TBC1D5: variants seen among roughly 807,000 people sequenced by gnomAD.
The protein encoded by TBC1D5 is TBC1 domain family member 5, also known as TBC1 domain family, member 5.
TBC1D5 carries 75 observed loss-of-function variants against 100.3 expected under a neutral mutation model. The ratio of observed to expected loss-of-function variants is 0.75; its 90% confidence interval spans 0.62 to 0.91. The LOEUF (loss-of-function observed/expected upper bound fraction) is 0.91, where lower values mean the gene tolerates loss of function less well. Ranked by LOEUF, TBC1D5 falls within the 40% of genes least tolerant of loss-of-function variation. TBC1D5 has a pLI of 0.00. For missense variants in TBC1D5, 910 were observed against 942.4 expected (o/e 0.97, Z 0.45); for synonymous variants, 323 against 325.6 (o/e 0.99, Z 0.09).
chr3:17,167,811 T>A (rs752058519), exon 20 of TBC1D5: 1 of 1,607,740 alleles, frequency 6.2e-7, no homozygotes. Context: ...TCTTGTAATA[T>A]CACATCTTGA....
chr3:17,538,319 A>G (rs979151410), intron 2 of TBC1D5, among the ~76,000 whole-genome samples: 2 of 152,158 alleles, frequency 1.3e-5, no homozygotes, highest in Admixed American at 6.5e-5. Flanking sequence ...GATCTCAAAC[A>G]GGCCCACTAA....
intron 2 of TBC1D5, among the ~76,000 whole-genome samples, chr3:17,510,365 G>A (rs763446523): frequency 2.0e-5 from 3 of 152,046 alleles, no homozygotes; most frequent in East Asian, 1.9e-4. Flanking sequence ...ACAGTCAGAC[G>A]TTAATAAAAC....
At chr3:17,298,997 T>C (rs918118777) in intron 14 of TBC1D5, among the ~76,000 whole-genome samples, 10 of 152,222 alleles carry the variant, frequency 6.6e-5, no homozygotes, top group Non-Finnish European at 1.5e-4. Context: ...TGATAAAAGT[T>C]TAATTTATAA....
At chr3:17,565,527 A>C (rs762094301) in intron 2 of TBC1D5, among the ~76,000 whole-genome samples, 15 of 152,228 alleles carry the variant, frequency 9.9e-5, no homozygotes, top group Middle Eastern at 3.4e-3. Context: ...CCAGGAGCTG[A>C]AAAGAATCAA....
intron 2 of TBC1D5, among the ~76,000 whole-genome samples, chr3:17,579,277 A>T (rs1218986175): frequency 6.6e-6 from 1 of 152,118 alleles, no homozygotes; most frequent in Non-Finnish European, 1.5e-5. Context: ...ATTTCTTTGT[A>T]AAATAGAAAT....
intron 13 of TBC1D5, among the ~76,000 whole-genome samples, chr3:17,334,324 T>C (rs2087343436): frequency 6.6e-6 from 1 of 152,148 alleles, no homozygotes; most frequent in South Asian, 2.1e-4. Flanking sequence ...GAAATTCAAA[T>C]TGATGTTAAT....
At chr3:17,487,704 G>A (rs1450941024) in intron 3 of TBC1D5, among the ~76,000 whole-genome samples, 1 of 152,142 alleles carries the variant, frequency 6.6e-6, no homozygotes, top group African/African-American at 2.4e-5. Context: ...AATAAACTAA[G>A]CATGTGTTTG....
chr3:17,675,994 T>A (rs2068577417), intron 1 of TBC1D5, among the ~76,000 whole-genome samples: 1 of 152,136 alleles, frequency 6.6e-6, no homozygotes, highest in Admixed American at 6.6e-5. Context: ...ATCTTGTATC[T>A]TAATTCCTAA....
At chr3:17,258,649 A>C (rs2077977040) in intron 15 of TBC1D5, 58 bp from the exon 16 acceptor site, 1 of 1,343,392 alleles carries the variant, frequency 7.4e-7, no homozygotes, top group African/African-American at 1.4e-5. Flanking sequence ...TTAACATATA[A>C]GAGGACAGCA....
chr3:17,214,408 A>G (rs1350545610), intron 17 of TBC1D5, 38 bp from the exon 19 acceptor site: 1 of 1,586,858 alleles, frequency 6.3e-7, no homozygotes, highest in Non-Finnish European at 8.6e-7. Context: ...GAAACACCAG[A>G]CTCTTTCACT....
intron 2 of TBC1D5, among the ~76,000 whole-genome samples, chr3:17,619,887 G>C (rs910796686): frequency 4.6e-5 from 7 of 152,320 alleles, no homozygotes; most frequent in Admixed American, 1.3e-4. Context: ...CCTATGGAAA[G>C]TTGCTCTTAT....
At chr3:17,668,757 G>C (rs909589433) in intron 1 of TBC1D5, among the ~76,000 whole-genome samples, 20 of 151,640 alleles carry the variant, frequency 1.3e-4, no homozygotes, top group African/African-American at 4.6e-4. Context: ...AAAATCACTA[G>C]ATTCATAGTT....
chr3:17,562,560 C>T (rs1392552458), intron 2 of TBC1D5, among the ~76,000 whole-genome samples: 1 of 151,078 alleles, frequency 6.6e-6, no homozygotes, highest in Non-Finnish European at 1.5e-5. Context: ...CTAAACACTG[C>T]TCAAAACTTA....
At chr3:17,476,547 TG>T (rs752506457) in intron 3 of TBC1D5, among the ~76,000 whole-genome samples, 40 of 150,102 alleles carry the variant, frequency 2.7e-4, no homozygotes, top group South Asian at 1.3e-3. Flanking sequence ...AAAATGTGCA[TG>T]TTTTTTTTCA....
At chr3:17,259,305 C>T (rs1054031008) in intron 15 of TBC1D5, among the ~76,000 whole-genome samples, 2 of 152,116 alleles carry the variant, frequency 1.3e-5, no homozygotes, top group African/African-American at 4.8e-5. Context: ...ATCATTAGGT[C>T]CACGGTGTCT....
intron 18 of TBC1D5, among the ~76,000 whole-genome samples, chr3:17,206,877 G>T (rs141454860): frequency 1.8e-3 from 270 of 152,288 alleles, no homozygotes; most frequent in Non-Finnish European, 3.3e-3. Context: ...CTTCTAGTTG[G>T]CTGGTGTGCT....
intron 2 of TBC1D5, among the ~76,000 whole-genome samples, chr3:17,597,065 T>C (rs2153580178): frequency 6.6e-6 from 1 of 152,340 alleles, no homozygotes; most frequent in East Asian, 1.9e-4. Flanking sequence ...TAAGATGATA[T>C]GATTCTTTCA....
At chr3:17,438,902 C>T (rs890394906) in intron 3 of TBC1D5, among the ~76,000 whole-genome samples, 4 of 151,962 alleles carry the variant, frequency 2.6e-5, no homozygotes, top group Non-Finnish European at 5.9e-5. Context: ...CTAACCCTAA[C>T]ATTAAATTAT....
At chr3:17,612,958 C>T (rs543856102) in intron 2 of TBC1D5, among the ~76,000 whole-genome samples, 4 of 149,466 alleles carry the variant, frequency 2.7e-5, no homozygotes, top group Admixed American at 6.7e-5. Context: ...CATATGTATA[C>T]ATGTGCCATG....
Sources: allele counts gnomAD v4.1 joint callset (sites outside exome capture counted in the v4.1 genomes callset), GRCh38; gene constraint gnomAD v4.1.1; transcripts MANE v1.5; gene names NCBI Gene and HGNC (gene_info 2026-07-23, HGNC 2026-07-21).